TIAM2: variants seen among roughly 807,000 people sequenced by gnomAD.
TIAM2 encodes the protein rho guanine nucleotide exchange factor TIAM2.
Under a neutral mutation model 152.9 loss-of-function variants are expected in TIAM2, and 80 were observed. That is an observed-to-expected ratio of 0.52 (90% CI 0.44 to 0.63). TIAM2 has a LOEUF of 0.63. Ranked by LOEUF, TIAM2 falls within the 30% of genes least tolerant of loss-of-function variation. The pLI is 0.00. For missense variants in TIAM2, 1,965 were observed against 2,120.1 expected, an observed-to-expected ratio of 0.93 and a Z score of 1.44; for synonymous variants, 804 against 838.0, an observed-to-expected ratio of 0.96 and a Z score of 0.70.
intron 14 of TIAM2, among the ~76,000 whole-genome samples, chr6:155,191,354 C>T (rs141035177): frequency 2.3e-4 from 35 of 152,314 alleles, no homozygotes; most frequent in African/African-American, 8.4e-4. Flanking sequence ...CAGATACTGC[C>T]TGGCACGTAG....
intron 1 of TIAM2, among the ~76,000 whole-genome samples, chr6:155,075,909 C>T (rs1777946551): frequency 6.6e-6 from 1 of 152,172 alleles, no homozygotes; most frequent in African/African-American, 2.4e-5. Flanking sequence ...TACACTTATT[C>T]ATATGACATA....
In TIAM2 at chr6:155,249,944, C is replaced by A; in HGVS notation, c.3926C>A (p.Ala1309Asp). 1 of 1,613,992 alleles carries A rather than the reference C, an allele frequency of 6.2e-7. No homozygotes were observed. The highest frequency in any genetic ancestry group is 8.5e-7 in the Non-Finnish European group (1 of 1,179,938). The part of the protein sequence containing the change: ...DYGTVFDQLV[A>D]EQSGTEKEVT... ...GGGACCGTGTTTGACCAGCTAGTAG[C>A]TGAGCAGAGCGGAACAGAGAAGGAG... Residue 1309 changes from alanine (A) to aspartate (D), a missense_variant, in exon 21 of 27, where the codon GCT (alanine) becomes GAT (aspartate). By Grantham distance (126) the Ala-to-Asp change is moderately radical. Coordinates refer to ENST00000682666, the MANE Select transcript of TIAM2 (RefSeq NM_012454.4).
At chr6:155,020,829 A>G (rs4563728) in intron 1 of TIAM2, among the ~76,000 whole-genome samples, 44,783 of 152,038 alleles carry the variant, frequency 0.29, 8,887 homozygotes, top group East Asian at 0.62. Context: ...ACCACTATCC[A>G]TCTCCAGAAC....
rs1562305157 is a variant in TIAM2, at chr6:155,063,418, CGT to C, written c.-208-26870_-208-26869del. ...ATGTGTGTCCATGTAAATATGAACA[CGT>C]ACAATTATGTGTGTATATTTCCTGC... On this transcript the variant is annotated intron_variant, in intron 1 of 26. Coordinates refer to ENST00000682666, the MANE Select transcript of TIAM2 (RefSeq NM_012454.4). Among the ~76,000 whole-genome samples, 415 of 152,072 alleles carry C rather than the reference CGT, an allele frequency of 2.7e-3. 1 individual carries two copies. The highest frequency in any genetic ancestry group is 9.5e-3 in the African/African-American group (395 of 41,472).
At chr6:155,016,568 T>TAAATTTAAATG (rs1778591473) in intron 1 of TIAM2, among the ~76,000 whole-genome samples, 3 of 100,472 alleles carry the variant, frequency 3.0e-5, no homozygotes, top group Non-Finnish European at 4.8e-5. Flanking sequence ...ACATTTAAAT[T>TAAATTTAAATG]TAAATGGTAT....
intron 14 of TIAM2, among the ~76,000 whole-genome samples, chr6:155,201,799 C>T (rs1781476808): frequency 6.6e-6 from 1 of 152,174 alleles, no homozygotes; most frequent in African/African-American, 2.4e-5. Context: ...TGGCAGCCTG[C>T]TATTAAGAAA....
rs1008543639 is a variant in TIAM2 at position 155,141,746 on chromosome 6, G to T, written c.1631-2860G>T. ...AGTGATAGTCAGTGTCAGGGGAGGA[G>T]TTCATAAACTAATTTTAGAATACTG... On this transcript the variant is annotated intron_variant, in intron 5 of 26. Transcript: ENST00000682666. Among the ~76,000 whole-genome samples, 11 of 152,268 alleles carry T rather than the reference G, an allele frequency of 7.2e-5. 1 individual carries two copies. Among genetic ancestry groups the T allele is most frequent in the East Asian group, 3.9e-4 (2 of 5,174 alleles).
intron 7 of TIAM2, among the ~76,000 whole-genome samples, chr6:155,162,608 C>T (rs996983993): frequency 5.3e-5 from 8 of 152,118 alleles, no homozygotes; most frequent in East Asian, 1.9e-4. Flanking sequence ...GTCTTGTTAG[C>T]GTAGAACAGG....
intron 1 of TIAM2, among the ~76,000 whole-genome samples, chr6:155,016,667 G>C (rs1778593456): frequency 6.7e-6 from 1 of 149,532 alleles, no homozygotes. Flanking sequence ...AGGAGGCCAA[G>C]GCGGGTGGAT....
At chr6:155,004,382 A>G (rs1449518985) in intron 1 of TIAM2, among the ~76,000 whole-genome samples, 1 of 151,992 alleles carries the variant, frequency 6.6e-6, no homozygotes, top group East Asian at 1.9e-4. Context: ...CAAATTTCCA[A>G]TACCATCTTT....
At chr6:155,086,173 G>A (rs1003128595) in intron 1 of TIAM2, among the ~76,000 whole-genome samples, 1 of 152,184 alleles carries the variant, frequency 6.6e-6, no homozygotes, top group Non-Finnish European at 1.5e-5. Flanking sequence ...TGAGGAAGGC[G>A]CTGAGATCCA....
At chr6:155,221,125 TGA>T (rs869074936) in intron 15 of TIAM2, among the ~76,000 whole-genome samples, 2 of 34,852 alleles carry the variant, frequency 5.7e-5, no homozygotes, top group South Asian at 1.2e-3. Flanking sequence ...TTTTTTTTTT[TGA>T]AAAAAAAAAA....
chr6:155,044,472 A>G (rs1777116912), intron 1 of TIAM2, among the ~76,000 whole-genome samples: 1 of 152,014 alleles, frequency 6.6e-6, no homozygotes, highest in Non-Finnish European at 1.5e-5. Context: ...AACTTTCTTC[A>G]TGTATAATTT....
intron 7 of TIAM2, among the ~76,000 whole-genome samples, chr6:155,152,029 A>G (rs577350672): frequency 6.6e-6 from 1 of 151,964 alleles, no homozygotes; most frequent in East Asian, 1.9e-4. Flanking sequence ...TTTTTAATAG[A>G]GACGGGGTTT....
rs935239618 is a variant in TIAM2, at chr6:155,249,759, T to C, written c.3833-92T>C. 4 of 1,082,698 alleles carry C rather than the reference T, an allele frequency of 3.7e-6. No individual in the cohort carries two copies. In the African/African-American group the frequency reaches 6.3e-5, roughly 17 times the overall value. 67.1% of individuals were successfully genotyped at this position (1,082,698 alleles called of 1,614,324 possible). A position where few individuals can be genotyped will look rare whatever the true frequency, so the allele number is the denominator to read the frequency against. On this transcript the variant is annotated intron_variant, in intron 20 of 26. Transcript: ENST00000682666. ...GCTAGTGGGTACTGGTCTGGAATCC[T>C]GAGTTGAATCTTGACTCCATTCATT... is the stretch of plus-strand genomic sequence containing the variant.
At position 155,187,573 on chromosome 6, in the gene TIAM2, C is replaced by CTTTTTTTTTTTTTTTTTTTT. The variant is rs59818801; in HGVS notation, c.3064+4077_3064+4096dup. On this transcript the variant is annotated intron_variant, in intron 14 of 26. Transcript: ENST00000682666. ...AACCCCCCCTCCCCCACCCCGCCCCCTTTTTTTTTTTTTTTTTTTTTTTGA... is the reference window on the plus strand; with the variant it reads ...AACCCCCCCTCCCCCACCCCGCCCCCTTTTTTTTTTTTTTTTTTTTTTTTTTTTTTTTTTTTTTTTTTTGA... 4.4e-4 allele frequency among the ~76,000 whole-genome samples: 22 copies of CTTTTTTTTTTTTTTTTTTTT among 49,618 alleles called. 1 individual carries two copies. The highest frequency in any genetic ancestry group is 1.2e-3 in the African/African-American group (15 of 12,662). 32.6% of individuals were successfully genotyped at this position (49,618 alleles called of 152,430 possible). A position where few individuals can be genotyped will look rare whatever the true frequency, so the allele number is the denominator to read the frequency against.
chr6:155,109,706 T>G (rs1004489162), intron 2 of TIAM2, among the ~76,000 whole-genome samples: 1 of 152,148 alleles, frequency 6.6e-6, no homozygotes, highest in African/African-American at 2.4e-5. Flanking sequence ...AAATGGACCT[T>G]AGGCAGTTTT....
chr6:155,055,310 C>T (rs968907539), intron 1 of TIAM2, among the ~76,000 whole-genome samples: 1 of 152,132 alleles, frequency 6.6e-6, no homozygotes, highest in African/African-American at 2.4e-5. Context: ...CAAATATTAT[C>T]GTGTTGCTGT....
At position 155,174,985 on chromosome 6, in the gene TIAM2, A is replaced by G. The variant is rs1024327526; in HGVS notation, c.2362-1831A>G. Among the ~76,000 whole-genome samples, 11 of 152,200 alleles carry G rather than the reference A, an allele frequency of 7.2e-5. No homozygotes were observed. Among genetic ancestry groups the G allele is most frequent in the African/African-American group, 2.7e-4 (11 of 41,452 alleles). ...AGGCAGCATCTGTTTGTTGCTAAGC[A>G]CCGGGTTGAAATCACTGCCCAGATG... is the stretch of plus-strand genomic sequence containing the variant. On this transcript the variant is annotated intron_variant, in intron 9 of 26. Transcript: ENST00000682666. The surrounding 1 kb of genome is among the most constrained non-coding windows in gnomAD (Gnocchi z 4.2).
Sources: gnomAD v4.1 joint callset for allele counts (sites outside exome capture counted in the v4.1 genomes callset) on GRCh38, gnomAD v4.1.1 for gene constraint, Gnocchi (gnomAD v3.1) non-coding constraint, MANE v1.5 for transcripts, NCBI Gene and HGNC (gene_info 2026-07-23, HGNC 2026-07-21) for gene names.